The following PTPRG variants were observed in gnomAD, a reference collection of about 807,000 sequenced individuals.
PTPRG encodes protein tyrosine phosphatase receptor type G, also known as receptor-type tyrosine-protein phosphatase gamma.
In PTPRG, 102 loss-of-function variants were observed where a neutral mutation model predicts 165.3. That is an observed-to-expected ratio of 0.62 (90% CI 0.53 to 0.73). The LOEUF (loss-of-function observed/expected upper bound fraction) is 0.73. PTPRG is among the 30% of genes least tolerant of loss of function. The pLI is 0.00. For synonymous variants in PTPRG, 675 were observed against 669.5 expected, an observed-to-expected ratio of 1.01 and a Z score of -0.13; for missense variants, 1,866 against 1,861.4, an observed-to-expected ratio of 1.00 and a Z score of -0.05.
intron 4 of PTPRG, among the ~76,000 whole-genome samples, chr3:62,035,525 T>A (rs1466903500): frequency 6.6e-6 from 1 of 152,218 alleles, no homozygotes; most frequent in Non-Finnish European, 1.5e-5. Flanking sequence ...TATCTCCTAT[T>A]TAAGAAATAC....
At chr3:61,835,797 G>A (rs2036439798) in intron 2 of PTPRG, among the ~76,000 whole-genome samples, 1 of 151,824 alleles carries the variant, frequency 6.6e-6, no homozygotes, top group African/African-American at 2.4e-5. Flanking sequence ...CCAGCACTTT[G>A]GGAGGCCGAG....
intron 4 of PTPRG, among the ~76,000 whole-genome samples, chr3:62,043,774 A>G (rs1575929485): frequency 6.6e-6 from 1 of 152,218 alleles, no homozygotes; most frequent in Admixed American, 6.5e-5. Flanking sequence ...CCTAAACAGT[A>G]GAAAACACAA....
intron 2 of PTPRG, among the ~76,000 whole-genome samples, chr3:61,921,997 A>G (rs1456164302): frequency 1.3e-5 from 2 of 152,162 alleles, no homozygotes; most frequent in Non-Finnish European, 2.9e-5. Flanking sequence ...ATCAAGCATG[A>G]CCCTAGATTT....
intron 1 of PTPRG, chr3:61,743,187 T>C: frequency 1.3e-6 from 1 of 745,038 alleles, no homozygotes; most frequent in South Asian, 1.5e-5. Flanking sequence ...GGAAATGAGG[T>C]AGGCTCAGTA....
chr3:61,892,539 A>G (rs975549994), intron 2 of PTPRG, among the ~76,000 whole-genome samples: 2 of 152,140 alleles, frequency 1.3e-5, no homozygotes, highest in African/African-American at 4.8e-5. Context: ...TACCTGGGTC[A>G]GGCGCGGTGG....
At chr3:62,097,542 A>AT (rs1487619943) in intron 5 of PTPRG, among the ~76,000 whole-genome samples, 1 of 152,176 alleles carries the variant, frequency 6.6e-6, no homozygotes, top group African/African-American at 2.4e-5. Context: ...AGGACTCCTC[A>AT]TTCACCCTTC....
intron 1 of PTPRG, among the ~76,000 whole-genome samples, chr3:61,671,395 C>G (rs1230402859): frequency 6.6e-6 from 1 of 151,782 alleles, no homozygotes; most frequent in Non-Finnish European, 1.5e-5. Context: ...TCTTGCACCG[C>G]CCTTAATCCA....
intron 5 of PTPRG, among the ~76,000 whole-genome samples, chr3:62,092,458 A>T (rs890446952): frequency 7.4e-6 from 1 of 135,188 alleles, no homozygotes. Context: ...AAAAAAAAAA[A>T]AGAAAAAGAC....
At chr3:61,860,751 T>A (rs901312354) in intron 2 of PTPRG, among the ~76,000 whole-genome samples, 2 of 152,174 alleles carry the variant, frequency 1.3e-5, no homozygotes, top group Admixed American at 1.3e-4. Context: ...GCCCATTTTT[T>A]AAAATTAAAG....
intron 8 of PTPRG, among the ~76,000 whole-genome samples, chr3:62,178,480 G>T (rs1705521668): frequency 6.6e-6 from 1 of 152,172 alleles, no homozygotes; most frequent in Non-Finnish European, 1.5e-5. Flanking sequence ...AGAGGCTCCT[G>T]GGATTGGGGA....
At chr3:61,605,720 C>T (rs1026509588) in intron 1 of PTPRG, among the ~76,000 whole-genome samples, 8 of 152,066 alleles carry the variant, frequency 5.3e-5, no homozygotes, top group Non-Finnish European at 7.4e-5. Context: ...GGGCACACAC[C>T]ACCATGCTTG....
rs191122000 is a variant in PTPRG at position 61,911,283 on chromosome 3, C to G, written c.191-78342C>G. 1.6e-3 allele frequency among the ~76,000 whole-genome samples: 239 copies of G among 152,222 alleles called. 2 individuals are homozygous for G. Among genetic ancestry groups the G allele is most frequent in the African/African-American group, 5.4e-3 (223 of 41,542 alleles). On this transcript the variant is annotated intron_variant, in intron 2 of 29. Coordinates refer to ENST00000474889, the MANE Select transcript of PTPRG (RefSeq NM_002841.4). ...GTCAGTACCTGTGCCTTTGTTTCTC[C>G]TTACTGTATTTTAAGTGTCTGGCCA...
At chr3:61,813,625 G>A (rs974028552) in intron 2 of PTPRG, among the ~76,000 whole-genome samples, 3 of 147,580 alleles carry the variant, frequency 2.0e-5, no homozygotes, top group Admixed American at 1.4e-4. Context: ...CAGCCATGAA[G>A]AGTTCTAGAT....
At chr3:61,953,752 T>C (rs1344814603) in intron 2 of PTPRG, among the ~76,000 whole-genome samples, 1 of 152,156 alleles carries the variant, frequency 6.6e-6, no homozygotes, top group African/African-American at 2.4e-5. Context: ...CATACTAAAC[T>C]ACACTCTGTG....
chr3:61,767,733 C>T (rs141726145), intron 2 of PTPRG, among the ~76,000 whole-genome samples: 16 of 152,042 alleles, frequency 1.1e-4, no homozygotes, highest in African/African-American at 2.9e-4. Context: ...CTTTGGGAAG[C>T]CGAGGTGGGA....
At chr3:61,881,769 A>G (rs1202717159) in intron 2 of PTPRG, among the ~76,000 whole-genome samples, 1 of 152,128 alleles carries the variant, frequency 6.6e-6, no homozygotes, top group Admixed American at 6.6e-5. Context: ...CTTCCTTTTC[A>G]TTGTCTTAGA....
chr3:61,781,706 A>G (rs1324741290), intron 2 of PTPRG, among the ~76,000 whole-genome samples: 1 of 152,084 alleles, frequency 6.6e-6, no homozygotes, highest in Non-Finnish European at 1.5e-5. Context: ...TGAGATGTTG[A>G]TTACTAAATT....
At chr3:61,590,385 G>A (rs542277622) in intron 1 of PTPRG, among the ~76,000 whole-genome samples, 7 of 152,184 alleles carry the variant, frequency 4.6e-5, no homozygotes, top group South Asian at 2.1e-4. Flanking sequence ...ATTAGCTGGC[G>A]TAGTGGCACG....
intron 1 of PTPRG, among the ~76,000 whole-genome samples, chr3:61,598,946 A>C (rs906301881): frequency 6.6e-6 from 1 of 152,116 alleles, no homozygotes; most frequent in Non-Finnish European, 1.5e-5. Flanking sequence ...TACCAGTTGT[A>C]CTGGAATAAG....
Sources: gnomAD v4.1 joint callset for allele counts (sites outside exome capture counted in the v4.1 genomes callset) on GRCh38, gnomAD v4.1.1 for gene constraint, MANE v1.5 for transcripts, NCBI Gene and HGNC (gene_info 2026-07-23, HGNC 2026-07-21) for gene names.